LOC400499: variants seen among roughly 807,000 people sequenced by gnomAD.
At chr16:11,498,884 G>C in the LOC400499 span, among the ~76,000 whole-genome samples, 1 of 150,816 alleles carries the variant, frequency 6.6e-6, no homozygotes, top group Non-Finnish European at 1.5e-5. Context: ...CTACAAAATA[G>C]TCCCATTGTC....
the LOC400499 span, chr16:11,423,175 A>C: frequency 2.5e-6 from 1 of 399,224 alleles, no homozygotes; most frequent in African/African-American, 2.1e-5. Flanking sequence ...CAGAGACCCC[A>C]TACCTCGAGA....
the LOC400499 span, among the ~76,000 whole-genome samples, chr16:11,451,526 G>A: frequency 6.6e-6 from 1 of 151,592 alleles, no homozygotes; most frequent in Non-Finnish European, 1.5e-5. Context: ...ACTCCAGCCT[G>A]GGCAACAGAG....
chr16:11,432,767 T>C, the LOC400499 span, among the ~76,000 whole-genome samples: 2 of 152,210 alleles, frequency 1.3e-5, no homozygotes, highest in African/African-American at 4.8e-5. Flanking sequence ...GGTGCACAGC[T>C]GTGGACTGTG....
At chr16:11,456,131 G>A in the LOC400499 span, among the ~76,000 whole-genome samples, 10 of 150,392 alleles carry the variant, frequency 6.6e-5, no homozygotes, top group Admixed American at 3.3e-4. Flanking sequence ...CGAAACCTCC[G>A]CCTCCTGGGT....
chr16:11,414,495 CTGGGT>C, the LOC400499 span: 237 of 399,860 alleles, frequency 5.9e-4, no homozygotes, highest in Non-Finnish European at 9.1e-4. Context: ...CCACCCTGGC[CTGGGT>C]CTGGGTCTCT....
the LOC400499 span, among the ~76,000 whole-genome samples, chr16:11,386,155 G>C: frequency 6.6e-6 from 1 of 152,240 alleles, no homozygotes; most frequent in African/African-American, 2.4e-5. Context: ...CACAAGACTG[G>C]TGTCCTGCAG....
the LOC400499 span, among the ~76,000 whole-genome samples, chr16:11,521,788 A>G: frequency 6.6e-6 from 1 of 152,020 alleles, no homozygotes; most frequent in Non-Finnish European, 1.5e-5. Flanking sequence ...AAATTGCACC[A>G]TTTTCCCACA....
the LOC400499 span, among the ~76,000 whole-genome samples, chr16:11,454,110 G>C: frequency 6.6e-6 from 1 of 152,274 alleles, no homozygotes; most frequent in African/African-American, 2.4e-5. Flanking sequence ...AGTGAGAAAA[G>C]GGTCACATAC....
the LOC400499 span, among the ~76,000 whole-genome samples, chr16:11,438,596 C>A: frequency 7.3e-6 from 1 of 137,304 alleles, no homozygotes; most frequent in Admixed American, 7.6e-5. Context: ...CATAGCGAGA[C>A]CCTGTCTCTG....
chr16:11,379,666 C>T, the LOC400499 span, among the ~76,000 whole-genome samples: 2 of 152,244 alleles, frequency 1.3e-5, no homozygotes, highest in African/African-American at 2.4e-5. Context: ...ACTGACGGGA[C>T]TTCCCGATGG....
the LOC400499 span, among the ~76,000 whole-genome samples, chr16:11,490,974 TAAC>T: frequency 2.0e-5 from 3 of 152,250 alleles, no homozygotes; most frequent in Non-Finnish European, 4.4e-5. Flanking sequence ...GCAGTAGTGA[TAAC>T]AACATTAAAA....
At chr16:11,374,780 G>C in the LOC400499 span, among the ~76,000 whole-genome samples, 8 of 152,128 alleles carry the variant, frequency 5.3e-5, no homozygotes, top group Non-Finnish European at 8.8e-5. Context: ...TATGAACATC[G>C]GTGTATAAAT....
chr16:11,501,399 C>G, the LOC400499 span, among the ~76,000 whole-genome samples: 1 of 152,074 alleles, frequency 6.6e-6, no homozygotes, highest in Admixed American at 6.6e-5. Flanking sequence ...ACTCTGTCAC[C>G]CAGGCTGCAG....
chr16:11,459,947 G>A, the LOC400499 span: 1 of 1,508,356 alleles, frequency 6.6e-7, no homozygotes, highest in Non-Finnish European at 8.8e-7. Flanking sequence ...TGAAGGTCTG[G>A]CTGACACGGA....
At chr16:11,387,125 G>C in the LOC400499 span, 1 of 1,232,316 alleles carries the variant, frequency 8.1e-7, no homozygotes, top group African/African-American at 1.5e-5. Flanking sequence ...CCAGGGGCCC[G>C]CCAGCAGGCG....
chr16:11,464,747 G>A, the LOC400499 span, among the ~76,000 whole-genome samples: 1 of 152,336 alleles, frequency 6.6e-6, no homozygotes, highest in Admixed American at 6.5e-5. Flanking sequence ...GTCTGGGGCA[G>A]ACGGAACTAG....
At chr16:11,404,824 C>T in the LOC400499 span, 27 of 399,002 alleles carry the variant, frequency 6.8e-5, no homozygotes, top group Middle Eastern at 6.3e-4. Context: ...TGAGCTCGCT[C>T]GTATGCGGTC....
At chr16:11,475,061 T>C in the LOC400499 span, among the ~76,000 whole-genome samples, 1 of 152,226 alleles carries the variant, frequency 6.6e-6, no homozygotes, top group Non-Finnish European at 1.5e-5. Context: ...TGAGCAAGTA[T>C]GAATATGTAA....
the LOC400499 span, among the ~76,000 whole-genome samples, chr16:11,495,322 G>A: frequency 7.9e-5 from 12 of 152,056 alleles, no homozygotes; most frequent in Non-Finnish European, 1.5e-4. Context: ...GCAAACAGGA[G>A]GGGGTTCAGG....
Sources: gnomAD v4.1 joint callset for allele counts (sites outside exome capture counted in the v4.1 genomes callset) on GRCh38, gnomAD v4.1.1 for gene constraint, MANE v1.5 for transcripts.